Variants in HACE1 observed in about 807,000 individuals in gnomAD.
HACE1 encodes HECT domain and ankyrin repeat containing E3 ubiquitin protein ligase 1, also known as E3 ubiquitin-protein ligase HACE1.
HACE1 carries 73 observed loss-of-function variants against 118.4 expected under a neutral mutation model. The ratio of observed to expected loss-of-function variants is 0.62; its 90% confidence interval spans 0.51 to 0.75. The LOEUF is 0.75. HACE1 is among the 30% of genes least tolerant of loss of function. The pLI is 0.00. For synonymous variants in HACE1, 368 were observed against 374.8 expected, an observed-to-expected ratio of 0.98 and a Z score of 0.21; for missense variants, 749 against 1,102.2, an observed-to-expected ratio of 0.68 and a Z score of 4.54.
intron 14 of HACE1, among the ~76,000 whole-genome samples, chr6:104,777,853 G>A (rs1029043445): frequency 4.6e-5 from 7 of 152,194 alleles, no homozygotes; most frequent in African/African-American, 1.4e-4. Flanking sequence ...TCTGCCTCCT[G>A]AATTCAAGTG....
Position 104,776,812 on chromosome 6 carries a change from C to T in HACE1, c.1793G>A (p.Arg598His). The change falls in exon 17 of 24, where the codon CGT becomes CAT. Residue 598 changes from arginine (R) to histidine (H), a missense_variant. Arg to His is a conservative substitution (Grantham distance 29). Coordinates refer to ENST00000262903, the MANE Select transcript of HACE1 (RefSeq NM_020771.4). The stretch of plus-strand genomic sequence containing the variant: ...ATTGGACAGAATATCAAACCACTCA[C>T]GCACAACACCTTGACCCTGAATTCA... The part of the protein sequence containing the change: ...GEEGMGQGVV[R>H]EWFDILSNEI... 4 of 1,604,476 alleles carry T rather than the reference C, an allele frequency of 2.5e-6. No homozygotes were observed. The highest frequency in any genetic ancestry group is 1.1e-5 in the South Asian group (1 of 90,880).
intron 5 of HACE1, among the ~76,000 whole-genome samples, chr6:104,841,441 C>T (rs928155412): frequency 2.6e-5 from 4 of 152,020 alleles, no homozygotes; most frequent in Non-Finnish European, 4.4e-5. Context: ...GTTTCATAAC[C>T]CTCTGTTGCA....
intron 19 of HACE1, among the ~76,000 whole-genome samples, chr6:104,766,188 G>C (rs532338001): frequency 6.6e-6 from 1 of 152,160 alleles, no homozygotes; most frequent in Non-Finnish European, 1.5e-5. Flanking sequence ...TGGCATATGC[G>C]TCCTGCACAT....
chr6:104,837,801 T>C (rs1025697797), intron 5 of HACE1, among the ~76,000 whole-genome samples: 1 of 152,198 alleles, frequency 6.6e-6, no homozygotes, highest in African/African-American at 2.4e-5. Flanking sequence ...GCAGATGATA[T>C]GATCTTGTAT....
intron 5 of HACE1, among the ~76,000 whole-genome samples, chr6:104,842,836 G>C (rs897924050): frequency 7.9e-5 from 12 of 152,162 alleles, no homozygotes; most frequent in Non-Finnish European, 5.9e-5. Flanking sequence ...CACAGGCCAG[G>C]TGCGGTGGCT....
intron 7 of HACE1, among the ~76,000 whole-genome samples, chr6:104,806,349 C>A (rs1205051927): frequency 6.6e-6 from 1 of 152,116 alleles, no homozygotes; most frequent in Non-Finnish European, 1.5e-5. Context: ...ATAGTCCCAG[C>A]TACTTGGGAG....
At chr6:104,832,398 T>C in intron 6 of HACE1, among the ~76,000 whole-genome samples, 1 of 151,940 alleles carries the variant, frequency 6.6e-6, no homozygotes, top group Non-Finnish European at 1.5e-5. Context: ...TTGTTGTTGT[T>C]GTTGTTGTTG....
chr6:104,828,066 C>T (rs537586012), intron 6 of HACE1, among the ~76,000 whole-genome samples: 15 of 152,062 alleles, frequency 9.9e-5, no homozygotes, highest in Middle Eastern at 3.4e-3. Context: ...CCACGTTATT[C>T]TGAGAAGACT....
chr6:104,788,344 C>T (rs145082989), intron 11 of HACE1, among the ~76,000 whole-genome samples: 8 of 152,090 alleles, frequency 5.3e-5, no homozygotes, highest in African/African-American at 1.9e-4. Flanking sequence ...TTATATTCTA[C>T]ATATAGTAAC....
rs149460567 is a variant in HACE1 at position 104,818,314 on chromosome 6, A to G, written c.535-6921T>C. On this transcript the variant is annotated intron_variant, in intron 6 of 23. Transcript: ENST00000262903. Reference sequence around the variant, plus strand: ...GCTTTCCTCTGATCATTGACCTAGAAGTGGTGTCTGTAAGGTCCCAAAATA... The same window carrying G: ...GCTTTCCTCTGATCATTGACCTAGAGGTGGTGTCTGTAAGGTCCCAAAATA... 3.9e-3 allele frequency among the ~76,000 whole-genome samples: 595 copies of G among 152,244 alleles called. 5 individuals carry two copies. Among genetic ancestry groups the G allele is most frequent in the African/African-American group, 0.014 (576 of 41,552 alleles).
At chr6:104,732,706 T>TACAC in intron 22 of HACE1, among the ~76,000 whole-genome samples, 1 of 151,952 alleles carries the variant, frequency 6.6e-6, no homozygotes, top group African/African-American at 2.4e-5. Flanking sequence ...GATATGCATT[T>TACAC]ACACACACAC....
chr6:104,829,862 C>G (rs1007403574), intron 6 of HACE1, among the ~76,000 whole-genome samples: 1 of 152,106 alleles, frequency 6.6e-6, no homozygotes, highest in Non-Finnish European at 1.5e-5. Flanking sequence ...AGGAATTCTC[C>G]ATTATTTTAC....
intron 6 of HACE1, among the ~76,000 whole-genome samples, chr6:104,828,854 T>C (rs1044862961): frequency 3.3e-5 from 5 of 152,072 alleles, no homozygotes; most frequent in African/African-American, 1.2e-4. Flanking sequence ...CTTCTTGTCA[T>C]TGAAGCAAGA....
At chr6:104,759,261 A>G (rs926675650) in intron 19 of HACE1, among the ~76,000 whole-genome samples, 2 of 152,200 alleles carry the variant, frequency 1.3e-5, no homozygotes, top group Non-Finnish European at 2.9e-5. Flanking sequence ...TCTCAGCACC[A>G]CATCGCACTT....
chr6:104,848,204 C>A (rs1213985489), intron 4 of HACE1, among the ~76,000 whole-genome samples: 1 of 150,958 alleles, frequency 6.6e-6, no homozygotes, highest in African/African-American at 2.4e-5. Flanking sequence ...GCCTGTAATC[C>A]CAGCACTTTG....
At position 104,859,670 on chromosome 6, in the gene HACE1, C is replaced by G. The variant is rs1372778867; in HGVS notation, c.-28G>C. ...TCGGCGCGCCCTCCGCGATCCTCCG[C>G]GATCAGCCGCCCCACCGGCGGCCTC... is the stretch of plus-strand genomic sequence containing the variant. On this transcript the variant is annotated 5_prime_UTR_variant, in exon 1 of 24. Coordinates refer to ENST00000262903, the MANE Select transcript of HACE1 (RefSeq NM_020771.4). 2.0e-6 allele frequency: 3 copies of G among 1,524,700 alleles called. No homozygotes were observed. The highest frequency in any genetic ancestry group is 1.2e-5 in the South Asian group (1 of 82,492). The allele number at this position is 1,524,700 out of a possible 1,614,324, so 94.4% of individuals were successfully genotyped here. A position where few individuals can be genotyped will look rare whatever the true frequency, so the allele number is the denominator to read the frequency against.
intron 6 of HACE1, among the ~76,000 whole-genome samples, chr6:104,829,391 C>A (rs996596942): frequency 1.3e-5 from 2 of 152,106 alleles, no homozygotes; most frequent in African/African-American, 4.8e-5. Context: ...CCCAGAAATA[C>A]ATGAGTAATT....
At chr6:104,853,525 T>C (rs2114345644) in intron 1 of HACE1, among the ~76,000 whole-genome samples, 1 of 152,326 alleles carries the variant, frequency 6.6e-6, no homozygotes, top group South Asian at 2.1e-4. Context: ...GATGAAACCC[T>C]GACAACCCCC....
chr6:104,813,641 T>C (rs547781978), intron 6 of HACE1, among the ~76,000 whole-genome samples: 1 of 138,086 alleles, frequency 7.2e-6, no homozygotes, highest in South Asian at 2.2e-4. Context: ...ATATCAACAG[T>C]GTTGAGACCA....
Sources: allele counts gnomAD v4.1 joint callset (sites outside exome capture counted in the v4.1 genomes callset), GRCh38; gene constraint gnomAD v4.1.1; transcripts MANE v1.5; gene names NCBI Gene and HGNC (gene_info 2026-07-23, HGNC 2026-07-21).